MUC4: variants seen among roughly 807,000 people sequenced by gnomAD.
MUC4 encodes mucin 4, cell surface associated.
A neutral mutation model predicts 257.9 loss-of-function variants in MUC4; 202 were observed. The ratio of observed to expected loss-of-function variants is 0.78; its 90% confidence interval spans 0.70 to 0.88. The LOEUF is 0.88. Ranked by LOEUF, MUC4 falls within the 40% of genes least tolerant of loss-of-function variation. The pLI, the probability that MUC4 is intolerant of heterozygous loss-of-function variation, is 0.00. For synonymous variants in MUC4, 2,351 were observed against 2,757.1 expected (o/e 0.85, Z 4.62); for missense variants, 5,976 against 6,513.7 (o/e 0.92, Z 2.84).
intron 21 of MUC4, chr3:195,752,076 A>T (rs1434447534): frequency 5.0e-6 from 2 of 398,790 alleles, no homozygotes; most frequent in African/African-American, 3.9e-5. Context: ...AAGTCAGGGA[A>T]GACTCCCGGG....
At chr3:195,769,258 C>T (rs2688492) in intron 6 of MUC4, 106 bp from the exon 7 acceptor site, 1,047,634 of 1,469,128 alleles carry the variant, frequency 0.71, 377,905 homozygotes, top group East Asian at 0.82. Flanking sequence ...ACGCACAGCA[C>T]CTGTTCCTGG....
chr3:195,766,865 G>A, intron 7 of MUC4, 114 bp from the exon 8 acceptor site: 1 of 894,762 alleles, frequency 1.1e-6, no homozygotes, highest in Non-Finnish European at 1.8e-6. Flanking sequence ...CAGCTAGGCG[G>A]GCAGTGGGTC....
chr3:195,748,356 G>A (rs1715577382), intron 24 of MUC4, among the ~76,000 whole-genome samples: 1 of 152,266 alleles, frequency 6.6e-6, no homozygotes, highest in South Asian at 2.1e-4. Flanking sequence ...CTGAGGTCAG[G>A]AGTTCGAGAC....
Position 195,783,081 on chromosome 3 carries a change from A to G in MUC4, c.8499T>C (p.Leu2833=), listed in dbSNP as rs1729144660. 1 of 738,368 alleles carries G rather than the reference A, an allele frequency of 1.4e-6. No individual in the cohort carries two copies. The highest frequency in any genetic ancestry group is 2.2e-5 in the African/African-American group (1 of 45,454). 45.7% of individuals were successfully genotyped at this position (738,368 alleles called of 1,614,324 possible). Residue 2833 remains leucine, a synonymous_variant, in exon 2 of 25, where the codon CTT becomes CTC. Coordinates refer to ENST00000463781, the MANE Select transcript of MUC4 (RefSeq NM_018406.7). ...ATGCTGAGGAAGGGATGGTGACAGG[A>G]AGAGAGGTGGCATGACCTGTGAACA... ...SSVFTGHATS[L]PVTIPSSASS... is the part of the protein sequence containing the mutation.
At chr3:195,752,874 A>G (rs1716754750) in intron 20 of MUC4, among the ~76,000 whole-genome samples, 177 bp downstream of exon 20, 1 of 152,120 alleles carries the variant, frequency 6.6e-6, no homozygotes, top group Admixed American at 6.5e-5. Context: ...CCTTGCCGTG[A>G]CAGCTTGCCT....
intron 4 of MUC4, among the ~76,000 whole-genome samples, chr3:195,772,035 G>A (rs1722993931): frequency 6.6e-6 from 1 of 152,172 alleles, no homozygotes; most frequent in Admixed American, 6.5e-5. Context: ...GTCCTCGGGT[G>A]GTAGGCTTGG....
chr3:195,808,795 G>A (rs991909263), intron 1 of MUC4, among the ~76,000 whole-genome samples: 4 of 152,178 alleles, frequency 2.6e-5, no homozygotes, highest in African/African-American at 7.2e-5. Context: ...GTGTCCTGGA[G>A]CACAGTGGGG....
chr3:195,764,866 T>G (rs1720082641), intron 10 of MUC4, 131 bp downstream of exon 10: 1 of 1,351,488 alleles, frequency 7.4e-7, no homozygotes, highest in East Asian at 2.3e-5. Context: ...GGAAGCTTCC[T>G]AACGTTACCC....
intron 1 of MUC4, chr3:195,809,701 GCTCCT>G (rs2149085510): frequency 6.5e-6 from 1 of 152,706 alleles, no homozygotes; most frequent in African/African-American, 2.4e-5. Context: ...GCCCCTCTGC[GCTCCT>G]CTCCACAGAC....
intron 7 of MUC4, among the ~76,000 whole-genome samples, chr3:195,767,576 C>A (rs112845197): frequency 2.2e-5 from 1 of 45,628 alleles, no homozygotes; most frequent in African/African-American, 8.0e-5. Context: ...ACCACCATCA[C>A]CACCACCATC....
At chr3:195,752,961 C>G (rs1716770383) in intron 20 of MUC4, 90 bp downstream of exon 20, 2 of 1,170,120 alleles carry the variant, frequency 1.7e-6, no homozygotes, top group South Asian at 3.1e-5. Context: ...AGAGCTTCCT[C>G]ATCTTCCCCA....
Position 195,789,418 on chromosome 3 carries a change from T to C in MUC4, c.2162A>G (p.Asp721Gly), listed in dbSNP as rs1161013162. Residue 721 changes from aspartate to glycine, a missense_variant, in exon 2 of 25, where the codon GAT becomes GGT. Asp to Gly is a moderately conservative substitution (Grantham distance 94). Transcript: ENST00000463781. ...GCCTCCTGAGGGCCCCAGGGTGGCA[T>C]CATGGCTGCTGGGTGCTGCCTGCAG... ...TALQAAPSSH[D>G]ATLGPSGGTS... is the part of the protein sequence containing the mutation. 6.2e-7 allele frequency: 1 copy of C among 1,613,824 alleles called. No homozygotes were observed. Among genetic ancestry groups the C allele is most frequent in the African/African-American group, 1.3e-5 (1 of 74,918 alleles).
Position 195,751,038 on chromosome 3 carries a change from C to T in MUC4, c.15722G>A (p.Arg5241Gln), listed in dbSNP as rs766947104. ...GTTCAGGAAGTCAATGACCGGGCCC[C>T]GAGGGCGGTACTGGAACTCCGAGAT... ...MVISEFQYRP[R>Q]GPVIDFLNNQ... is the part of the protein sequence containing the mutation. The change falls in exon 23 of 25, where the codon CGG (arginine) becomes CAG (glutamine). Residue 5241 changes from arginine (R) to glutamine (Q), a missense_variant. By Grantham distance (43) the Arg-to-Gln change is conservative. Coordinates refer to ENST00000463781, the MANE Select transcript of MUC4 (RefSeq NM_018406.7). 1.7e-5 allele frequency: 27 copies of T among 1,612,664 alleles called. No individual in the cohort carries two copies. The highest frequency in any genetic ancestry group is 3.3e-5 in the South Asian group (3 of 91,006).
rs1362951585 is a variant in MUC4, at chr3:195,784,035, G to C, written c.7545C>G (p.Val2515=). Reference sequence around the variant, plus strand: ...CTGTGGATGCTGAGGGAGTGTCGGTGACAGGTAGAGGGGTGGTGTGACCTG... The same window carrying C: ...CTGTGGATGCTGAGGGAGTGTCGGTCACAGGTAGAGGGGTGGTGTGACCTG... ...ASTGHTTPLP[V]TDTPSASTGD... The change falls in exon 2 of 25, where the codon GTC becomes GTG. Residue 2515 remains valine (V), a synonymous_variant. Transcript: ENST00000463781. The C allele has an allele frequency of 1.1e-5, 17 of 1,522,532 alleles. No homozygotes were observed. The highest frequency in any genetic ancestry group is 1.5e-5 in the Non-Finnish European group (17 of 1,132,380). 94.3% of individuals were successfully genotyped at this position (1,522,532 alleles called of 1,614,324 possible).
chr3:195,770,075 G>A lies in MUC4; in HGVS notation c.13398+141C>T. On this transcript the variant is annotated intron_variant, in intron 6 of 24. Transcript: ENST00000463781. Reference sequence around the variant, plus strand: ...GCTCAGCCAACAGTGGTGGCAGTGGGGGGGTGGCGGTGGGGGGGCTTGCTA... The same window carrying A: ...GCTCAGCCAACAGTGGTGGCAGTGGAGGGGTGGCGGTGGGGGGGCTTGCTA... 3.4e-6 allele frequency: 3 copies of A among 870,884 alleles called. No homozygotes were observed. In the South Asian group the frequency reaches 6.3e-5, roughly 18 times the overall value. 53.9% of individuals were successfully genotyped at this position (870,884 alleles called of 1,614,324 possible). A position where few individuals can be genotyped will look rare whatever the true frequency, so the allele number is the denominator to read the frequency against.
At position 195,789,054 on chromosome 3, in the gene MUC4, C is replaced by A; in HGVS notation, c.2526G>T (p.Gln842His). The change falls in exon 2 of 25, where the codon CAG becomes CAT. Residue 842 changes from glutamine (Q) to histidine (H), a missense_variant. Coordinates refer to ENST00000463781, the MANE Select transcript of MUC4 (RefSeq NM_018406.7). ...SNPSRDSHTTQSTTELLSASA... is the reference protein window; with the variant it reads ...SNPSRDSHTTHSTTELLSASA... ...AGGCGGACAGCAATTCGGTTGTTGA[C>A]TGGGTTGTGTGACTGTCCCTGGAGG... The A allele has an allele frequency of 1.2e-6, 2 of 1,613,732 alleles. 1 individual carries two copies. Among genetic ancestry groups the A allele is most frequent in the South Asian group, 2.2e-5 (2 of 91,056 alleles).
intron 6 of MUC4, 179 bp from the exon 7 acceptor site, chr3:195,769,331 T>G (rs1249209231): frequency 3.5e-6 from 3 of 859,532 alleles, no homozygotes; most frequent in African/African-American, 3.4e-5. Flanking sequence ...GAGGGCAGCT[T>G]TCACCCTGGG....
Position 195,752,506 on chromosome 3 carries a change from A to C in MUC4, c.15509-60T>G. On this transcript the variant is annotated intron_variant, in intron 20 of 24. Coordinates refer to ENST00000463781, the MANE Select transcript of MUC4 (RefSeq NM_018406.7). ...ACGGTTTACCCAGACTTACCCAAAA[A>C]GTCTGTCGGGCCAGCCCAAGTTGAC... is the stretch of plus-strand genomic sequence containing the variant. 4 of 1,497,122 alleles carry C rather than the reference A, an allele frequency of 2.7e-6. No individual in the cohort carries two copies. In the South Asian group the frequency reaches 3.4e-5, roughly 13 times the overall value. 92.7% of individuals were successfully genotyped at this position (1,497,122 alleles called of 1,614,324 possible). A position where few individuals can be genotyped will look rare whatever the true frequency, so the allele number is the denominator to read the frequency against.
intron 2 of MUC4, 102 bp from the exon 3 acceptor site, chr3:195,778,557 C>A: frequency 6.9e-7 from 1 of 1,458,346 alleles, no homozygotes; most frequent in Non-Finnish European, 9.3e-7. Flanking sequence ...GAGCTGGAAA[C>A]TCCTTGTCTC....
Sources: gnomAD v4.1 joint callset for allele counts (sites outside exome capture counted in the v4.1 genomes callset) on GRCh38, gnomAD v4.1.1 for gene constraint, MANE v1.5 for transcripts, NCBI Gene and HGNC (gene_info 2026-07-23, HGNC 2026-07-21) for gene names.